The following SLC15A1 variants were observed in gnomAD, a reference collection of about 807,000 sequenced individuals.
SLC15A1 encodes Caco-2 oligopeptide transporter.
SLC15A1 carries 83 observed loss-of-function variants against 92.9 expected under a neutral mutation model. The observed-to-expected ratio is 0.89, with a 90% confidence interval of 0.75 to 1.07. The LOEUF (loss-of-function observed/expected upper bound fraction) is 1.07, where lower values mean the gene tolerates loss of function less well. Ranked by LOEUF, SLC15A1 falls within the 50% of genes least tolerant of loss-of-function variation. The pLI is 0.00. For missense variants in SLC15A1, 857 were observed against 880.1 expected (o/e 0.97, Z 0.33); for synonymous variants, 322 against 318.2 (o/e 1.01, Z -0.13).
intron 1 of SLC15A1, among the ~76,000 whole-genome samples, chr13:98,748,951 T>G (rs537428799): frequency 1.3e-5 from 2 of 152,320 alleles, no homozygotes; most frequent in East Asian, 1.9e-4. Flanking sequence ...CTCACTCAGA[T>G]AAGCCTGATG....
At chr13:98,725,056 G>C (rs1316736724) in intron 4 of SLC15A1, among the ~76,000 whole-genome samples, 1 of 152,084 alleles carries the variant, frequency 6.6e-6, no homozygotes, top group Non-Finnish European at 1.5e-5. Flanking sequence ...GCAAGAGCTA[G>C]TTGTTGAAAA....
chr13:98,695,808 A>C (rs2088016585), intron 18 of SLC15A1, among the ~76,000 whole-genome samples: 1 of 152,156 alleles, frequency 6.6e-6, no homozygotes, highest in Non-Finnish European at 1.5e-5. Context: ...CATTTTGCTT[A>C]AAATAGTATA....
At chr13:98,709,474 A>G in intron 14 of SLC15A1, 98 bp downstream of exon 14, 1 of 853,348 alleles carries the variant, frequency 1.2e-6, no homozygotes, top group Non-Finnish European at 2.0e-6. Flanking sequence ...CCTATCCTCT[A>G]GGCGAGGTTG....
At position 98,751,771 on chromosome 13, in the gene SLC15A1, G is replaced by T. The variant is rs139020478; in HGVS notation, c.4+824C>A. The stretch of plus-strand genomic sequence containing the variant: ...AGGACCACTGAGGCAGCCACCGACC[G>T]ACATTCCTGTCTACAGGCTCAGATC... On this transcript the variant is annotated intron_variant, in intron 1 of 22. Coordinates refer to ENST00000376503, the MANE Select transcript of SLC15A1 (RefSeq NM_005073.4). Among the ~76,000 whole-genome samples the T allele has an allele frequency of 9.8e-5, 15 of 152,326 alleles. No homozygotes were observed. In the South Asian group the frequency reaches 1.7e-3, roughly 17 times the overall value.
intron 1 of SLC15A1, among the ~76,000 whole-genome samples, chr13:98,746,947 T>G (rs2088497777): frequency 6.6e-6 from 1 of 152,172 alleles, no homozygotes; most frequent in Admixed American, 6.5e-5. Context: ...TCCCAACGGC[T>G]GAGCCTGTGC....
chr13:98,727,311 G>A (rs1407703796), intron 1 of SLC15A1, among the ~76,000 whole-genome samples: 1 of 152,164 alleles, frequency 6.6e-6, no homozygotes, highest in Non-Finnish European at 1.5e-5. Context: ...CTGCCTGCCA[G>A]GCTCACCCCA....
chr13:98,723,770 G>T, intron 5 of SLC15A1, 142 bp downstream of exon 5: 1 of 1,131,988 alleles, frequency 8.8e-7, no homozygotes, highest in Non-Finnish European at 1.2e-6. Context: ...CAATCTATTT[G>T]ACAGCCTTCT....
intron 1 of SLC15A1, among the ~76,000 whole-genome samples, chr13:98,736,269 G>A (rs2088393179): frequency 6.6e-6 from 1 of 152,184 alleles, no homozygotes; most frequent in Admixed American, 6.6e-5. Context: ...AAGTGGTGCT[G>A]GGAAAACTGG....
intron 18 of SLC15A1, among the ~76,000 whole-genome samples, chr13:98,697,615 C>CTTTTTT (rs11347963): frequency 1.5e-4 from 19 of 125,026 alleles, no homozygotes; most frequent in Non-Finnish European, 3.3e-5. Context: ...CTGGCTGATG[C>CTTTTTT]TTTTTTTTTT....
intron 1 of SLC15A1, among the ~76,000 whole-genome samples, chr13:98,743,221 C>T (rs763961469): frequency 1.1e-4 from 16 of 152,206 alleles, no homozygotes; most frequent in Non-Finnish European, 1.9e-4. Context: ...TGGGCTTCAA[C>T]ATATGCATTT....
At chr13:98,705,698 C>A (rs1038205483) in intron 16 of SLC15A1, among the ~76,000 whole-genome samples, 1 of 152,072 alleles carries the variant, frequency 6.6e-6, no homozygotes, top group African/African-American at 2.4e-5. Context: ...TCAAGACCAG[C>A]CTGGCCAACA....
chr13:98,709,877 G>T lies in SLC15A1; in HGVS notation c.935C>A (p.Ser312Tyr). 1 of 1,614,182 alleles carries T rather than the reference G, an allele frequency of 6.2e-7. No individual in the cohort carries two copies. The highest frequency in any genetic ancestry group is 8.5e-7 in the Non-Finnish European group (1 of 1,180,022). ...SRWTLQATTM[S>Y]GKIGALEIQP... ...AGGAGTCAAACTTACGATTTTCCCGGACATAGTTGTTGCCTGCAGTGTCCA... is the reference window on the plus strand; with the variant it reads ...AGGAGTCAAACTTACGATTTTCCCGTACATAGTTGTTGCCTGCAGTGTCCA... Residue 312 changes from serine (S) to tyrosine (Y), a missense_variant, in exon 12 of 23, where the codon TCC becomes TAC. Coordinates refer to ENST00000376503, the MANE Select transcript of SLC15A1 (RefSeq NM_005073.4).
chr13:98,712,395 T>G, intron 10 of SLC15A1, 103 bp downstream of exon 10: 1 of 864,124 alleles, frequency 1.2e-6, no homozygotes, highest in Non-Finnish European at 1.9e-6. Flanking sequence ...GTTAGGAAGG[T>G]ATCACTGACC....
chr13:98,748,968 C>G (rs2088518889), intron 1 of SLC15A1, among the ~76,000 whole-genome samples: 1 of 152,214 alleles, frequency 6.6e-6, no homozygotes, highest in African/African-American at 2.4e-5. Context: ...GATGCATGTT[C>G]AAGTTTGAAA....
intron 18 of SLC15A1, 130 bp from the exon 19 acceptor site, chr13:98,688,707 A>C: frequency 1.5e-6 from 1 of 682,944 alleles, no homozygotes; most frequent in Non-Finnish European, 2.5e-6. Flanking sequence ...GAATATTTCT[A>C]GAGAATAAAG....
intron 1 of SLC15A1, among the ~76,000 whole-genome samples, chr13:98,751,772 A>G (rs1298306665): frequency 6.6e-6 from 1 of 152,200 alleles, no homozygotes; most frequent in East Asian, 1.9e-4. Context: ...CCACCGACCG[A>G]CATTCCTGTC....
intron 1 of SLC15A1, among the ~76,000 whole-genome samples, chr13:98,736,455 C>G (rs1383746174): frequency 6.6e-6 from 1 of 152,018 alleles, no homozygotes; most frequent in Non-Finnish European, 1.5e-5. Context: ...AGTAAAACAC[C>G]AAAAGCAATG....
intron 1 of SLC15A1, among the ~76,000 whole-genome samples, chr13:98,731,180 C>T (rs1457039190): frequency 6.6e-6 from 1 of 152,210 alleles, no homozygotes; most frequent in African/African-American, 2.4e-5. Flanking sequence ...TCCACAGCGG[C>T]ATCTTTCTGT....
chr13:98,722,190 T>C (rs2088265809), intron 5 of SLC15A1, among the ~76,000 whole-genome samples: 1 of 152,200 alleles, frequency 6.6e-6, no homozygotes, highest in South Asian at 2.1e-4. Flanking sequence ...TGTAGCTTTA[T>C]TGTTTCCAGT....
Sources: gnomAD v4.1 joint callset for allele counts (sites outside exome capture counted in the v4.1 genomes callset) on GRCh38, gnomAD v4.1.1 for gene constraint, MANE v1.5 for transcripts, NCBI Gene and HGNC (gene_info 2026-07-23, HGNC 2026-07-21) for gene names.